Variants in KANK4 observed in about 807,000 individuals in gnomAD.
The protein encoded by KANK4 is KN motif and ankyrin repeat domain-containing protein 4.
A neutral mutation model predicts 80.8 loss-of-function variants in KANK4; 50 were observed. The observed-to-expected ratio is 0.62, with a 90% CI of 0.49 to 0.78. The LOEUF (loss-of-function observed/expected upper bound fraction) is 0.78, where lower values mean the gene tolerates loss of function less well. KANK4 is among the 30% of genes least tolerant of loss of function. KANK4 has a pLI of 0.00. For synonymous variants in KANK4, 465 were observed against 506.9 expected, an observed-to-expected ratio of 0.92 and a Z score of 1.11; for missense variants, 1,196 against 1,240.1, an observed-to-expected ratio of 0.96 and a Z score of 0.53.
At chr1:62,257,165 G>A (rs1671771399) in intron 7 of KANK4, among the ~76,000 whole-genome samples, 1 of 151,852 alleles carries the variant, frequency 6.6e-6, no homozygotes, top group Non-Finnish European at 1.5e-5. Context: ...TCGGCTCACT[G>A]TAACCTCCGC....
At chr1:62,312,980 C>A (rs989526298) in intron 1 of KANK4, among the ~76,000 whole-genome samples, 3 of 152,066 alleles carry the variant, frequency 2.0e-5, no homozygotes, top group African/African-American at 4.8e-5. Flanking sequence ...TGGTTCCCCC[C>A]CAAACCCCTG....
intron 1 of KANK4, among the ~76,000 whole-genome samples, chr1:62,300,494 A>T (rs1434158203): frequency 6.6e-6 from 1 of 152,098 alleles, no homozygotes; most frequent in African/African-American, 2.4e-5. Flanking sequence ...AAAACATCAC[A>T]GATCTGGTAT....
chr1:62,275,058 C>G lies in KANK4; in HGVS notation c.46G>C (p.Glu16Gln). 6.2e-7 allele frequency: 1 copy of G among 1,612,910 alleles called. No individual in the cohort carries two copies. The highest frequency in any genetic ancestry group is 2.2e-5 in the East Asian group (1 of 44,844). Reference protein sequence around the residue: ...AKDQSSQGDEEKDPPKSHPYS... With the variant: ...AKDQSSQGDEQKDPPKSHPYS... ...GGGTGGCTCTTCGGAGGGTCTTTCTCTTCATCCCCCTGAGAGGACTGGTCT... is the reference window on the plus strand; with the variant it reads ...GGGTGGCTCTTCGGAGGGTCTTTCTGTTCATCCCCCTGAGAGGACTGGTCT... Residue 16 changes from glutamate to glutamine, a missense_variant, in exon 3 of 10, where the codon GAG becomes CAG. Glu to Gln is a conservative substitution (Grantham distance 29, BLOSUM62 2). Transcript: ENST00000371153.
At chr1:62,303,653 T>TA (rs766357606) in intron 1 of KANK4, among the ~76,000 whole-genome samples, 6 of 152,172 alleles carry the variant, frequency 3.9e-5, no homozygotes, top group Admixed American at 1.3e-4. Context: ...TAGTCTGAAT[T>TA]AAAATGTGCT....
chr1:62,268,462 T>C lies in KANK4; in HGVS notation c.2056A>G (p.Thr686Ala). The change falls in exon 5 of 10, where the codon ACC becomes GCC. Residue 686 changes from threonine (T) to alanine (A), a missense_variant. Thr to Ala is a moderately conservative substitution (Grantham distance 58). Coordinates refer to ENST00000371153, the MANE Select transcript of KANK4 (RefSeq NM_181712.5). ...TCGCTGTCAGACAAGTCCTCTGGGG[T>C]GCTGTCCTCACCGCTGGTCTCCTCA... ...SSEETSGEDS[T>A]PEDLSDSEAE... 6.2e-7 allele frequency: 1 copy of C among 1,613,784 alleles called. No individual in the cohort carries two copies. The highest frequency in any genetic ancestry group is 1.1e-5 in the South Asian group (1 of 91,062).
At chr1:62,296,266 G>A (rs1176418017) in intron 1 of KANK4, among the ~76,000 whole-genome samples, 2 of 152,036 alleles carry the variant, frequency 1.3e-5, no homozygotes, top group African/African-American at 2.4e-5. Context: ...AGTGTGTGCC[G>A]TTCCCCAACA....
At chr1:62,278,227 A>G (rs1296311209) in intron 2 of KANK4, among the ~76,000 whole-genome samples, 1 of 152,078 alleles carries the variant, frequency 6.6e-6, no homozygotes, top group East Asian at 1.9e-4. Flanking sequence ...GGCTGCTGAC[A>G]TGGTTAAGGT....
intron 6 of KANK4, among the ~76,000 whole-genome samples, chr1:62,263,667 C>T (rs1194934408): frequency 2.0e-5 from 3 of 152,066 alleles, no homozygotes; most frequent in Admixed American, 6.6e-5. Flanking sequence ...CCTCTCCTTC[C>T]CCCTCACACA....
At chr1:62,259,476 CA>C (rs1303312881) in intron 7 of KANK4, among the ~76,000 whole-genome samples, 1 of 152,036 alleles carries the variant, frequency 6.6e-6, no homozygotes, top group Non-Finnish European at 1.5e-5. Flanking sequence ...GGGGTTTCAC[CA>C]TGTTGCTCAG....
chr1:62,238,515 GA>G (rs1671263004), intron 9 of KANK4, 134 bp from the exon 10 acceptor site: 5 of 633,364 alleles, frequency 7.9e-6, no homozygotes, highest in Non-Finnish European at 1.4e-5. Context: ...CCTCGGTAGA[GA>G]AGATTCGAAT....
intron 1 of KANK4, among the ~76,000 whole-genome samples, chr1:62,291,289 T>C (rs1025388653): frequency 6.6e-6 from 1 of 152,232 alleles, no homozygotes; most frequent in Admixed American, 6.5e-5. Flanking sequence ...TGTTTGTTCG[T>C]TGTTGCTGTG....
rs189172542 is a variant in KANK4, at chr1:62,262,400, A to C, written c.2539+692T>G. Among the ~76,000 whole-genome samples the C allele has an allele frequency of 4.0e-3, 606 of 152,298 alleles. 14 individuals carry two copies. The highest frequency in any genetic ancestry group is 0.036 in the Admixed American group (557 of 15,290). On this transcript the variant is annotated intron_variant, in intron 7 of 9. Transcript: ENST00000371153. ...CTGGAACACAGAGGGAACTTTCAAC[A>C]GTGAAGCATTTCCTTGACAGAAAGA...
Position 62,268,376 on chromosome 1 carries a change from G to A in KANK4, c.2142C>T (p.Cys714=), listed in dbSNP as rs142698855. 113 of 1,613,916 alleles carry A rather than the reference G, an allele frequency of 7.0e-5. No homozygotes were observed. The highest frequency in any genetic ancestry group is 1.5e-4 in the Admixed American group (9 of 59,998). ...CCTCAGGGATGCCCTGCCCAGCCTC[G>A]CAGGTGAGATGGGCATCTTTGACAT... is the stretch of plus-strand genomic sequence containing the variant. ...HKHVKDAHLT[C]EAGQGIPEGT... The change falls in exon 5 of 10, where the codon TGC becomes TGT. Residue 714 remains cysteine, a synonymous_variant. Coordinates refer to ENST00000371153, the MANE Select transcript of KANK4 (RefSeq NM_181712.5).
intron 1 of KANK4, among the ~76,000 whole-genome samples, chr1:62,315,300 T>G (rs1187975558): frequency 6.6e-6 from 1 of 152,188 alleles, no homozygotes; most frequent in East Asian, 1.9e-4. Flanking sequence ...GTTAGCCGTC[T>G]GATCTCCAAA....
chr1:62,278,243 G>A (rs1421038494), intron 2 of KANK4, among the ~76,000 whole-genome samples: 1 of 152,040 alleles, frequency 6.6e-6, no homozygotes, highest in African/African-American at 2.4e-5. Context: ...AAGGTGAGAG[G>A]AGCTCAAGGT....
chr1:62,268,647 G>T, intron 4 of KANK4, 142 bp from the exon 5 acceptor site: 1 of 684,436 alleles, frequency 1.5e-6, no homozygotes. Flanking sequence ...CCGGCAGGGT[G>T]ACAGGCTCCC....
At chr1:62,316,151 G>A (rs979200837) in intron 1 of KANK4, among the ~76,000 whole-genome samples, 3 of 152,220 alleles carry the variant, frequency 2.0e-5, no homozygotes, top group Non-Finnish European at 2.9e-5. Flanking sequence ...CACCAAGGGC[G>A]TCCCCCAGTC....
chr1:62,311,760 C>A (rs995507179), intron 1 of KANK4, among the ~76,000 whole-genome samples: 3 of 152,156 alleles, frequency 2.0e-5, no homozygotes, highest in Admixed American at 2.0e-4. Context: ...TAGAATTACC[C>A]GATGAGTCAG....
chr1:62,278,396 TC>T (rs71053309), intron 2 of KANK4, among the ~76,000 whole-genome samples: 1,075 of 51,494 alleles, frequency 0.021, 230 homozygotes, highest in African/African-American at 0.11. Flanking sequence ...TTTCTTTCTT[TC>T]TTTTTTTTTT....
Sources: allele counts gnomAD v4.1 joint callset (sites outside exome capture counted in the v4.1 genomes callset), GRCh38; gene constraint gnomAD v4.1.1; transcripts MANE v1.5; gene names NCBI Gene and HGNC (gene_info 2026-07-23, HGNC 2026-07-21).